Variants in GALNT13 observed in about 807,000 individuals in gnomAD.
GALNT13 encodes polypeptide N-acetylgalactosaminyltransferase 13.
A neutral mutation model predicts 64.2 loss-of-function variants in GALNT13; 28 were observed. The observed-to-expected ratio is 0.44, with a 90% CI of 0.32 to 0.60. GALNT13 has a LOEUF of 0.60. Ranked by LOEUF, GALNT13 falls within the 20% of genes least tolerant of loss-of-function variation. GALNT13 has a pLI of 0.05. For missense variants in GALNT13, 577 were observed against 669.8 expected, an observed-to-expected ratio of 0.86 and a Z score of 1.53; for synonymous variants, 214 against 224.6, an observed-to-expected ratio of 0.95 and a Z score of 0.42.
intron 1 of GALNT13, among the ~76,000 whole-genome samples, chr2:153,877,264 A>G (rs887995617): frequency 6.6e-6 from 1 of 152,122 alleles, no homozygotes; most frequent in African/African-American, 2.4e-5. Context: ...TAAGGTTTTA[A>G]CATGAAGAGG....
the GALNT13 span, among the ~76,000 whole-genome samples, chr2:153,736,623 C>CTCTA: frequency 2.0e-4 from 31 of 152,160 alleles, no homozygotes; most frequent in East Asian, 5.8e-4. Context: ...CTATATCATT[C>CTCTA]TCTATCTATC....
At chr2:154,443,756 C>T (rs1404281801) in intron 12 of GALNT13, among the ~76,000 whole-genome samples, 14 of 152,058 alleles carry the variant, frequency 9.2e-5, no homozygotes, top group South Asian at 6.2e-4. Context: ...AGATACTCCA[C>T]GCTACATTTT....
At chr2:153,357,868 C>T in the GALNT13 span, among the ~76,000 whole-genome samples, 1 of 152,142 alleles carries the variant, frequency 6.6e-6, no homozygotes, top group South Asian at 2.1e-4. Context: ...ACATCTTAGC[C>T]ACAGCACTAA....
At chr2:153,348,590 A>G in the GALNT13 span, among the ~76,000 whole-genome samples, 2 of 152,212 alleles carry the variant, frequency 1.3e-5, no homozygotes, top group Admixed American at 1.3e-4. Context: ...AGGATGGTAT[A>G]GAAAATTGTT....
At chr2:154,154,110 T>C (rs994382183) in intron 4 of GALNT13, among the ~76,000 whole-genome samples, 2 of 152,224 alleles carry the variant, frequency 1.3e-5, no homozygotes, top group African/African-American at 4.8e-5. Context: ...TAATATTTTG[T>C]TTTGTTCCCT....
intron 9 of GALNT13, among the ~76,000 whole-genome samples, chr2:154,331,135 C>T (rs896097969): frequency 5.9e-5 from 9 of 151,782 alleles, no homozygotes; most frequent in African/African-American, 1.7e-4. Flanking sequence ...TATTAAAATG[C>T]TATGCAAAAT....
At chr2:153,921,555 C>T (rs1321860997) in intron 2 of GALNT13, among the ~76,000 whole-genome samples, 1 of 152,032 alleles carries the variant, frequency 6.6e-6, no homozygotes, top group African/African-American at 2.4e-5. Flanking sequence ...GTACACCAGT[C>T]CCCTGTGACA....
intron 9 of GALNT13, among the ~76,000 whole-genome samples, chr2:154,322,019 C>T (rs766102633): frequency 6.6e-6 from 1 of 151,786 alleles, no homozygotes; most frequent in Admixed American, 6.6e-5. Flanking sequence ...ACAAATTTGG[C>T]ATTCATGGAA....
At chr2:153,118,148 C>A in the GALNT13 span, among the ~76,000 whole-genome samples, 50 of 145,416 alleles carry the variant, frequency 3.4e-4, 4 homozygotes, top group East Asian at 9.9e-4. Flanking sequence ...CACACACACC[C>A]CACATAAACC....
the GALNT13 span, among the ~76,000 whole-genome samples, chr2:153,259,304 T>G: frequency 1.5e-5 from 2 of 132,048 alleles, no homozygotes; most frequent in African/African-American, 5.7e-5. Context: ...TATTTTCATT[T>G]TATGTGTCTC....
At chr2:153,083,090 G>A in the GALNT13 span, among the ~76,000 whole-genome samples, 1 of 152,042 alleles carries the variant, frequency 6.6e-6, no homozygotes, top group Admixed American at 6.6e-5. Context: ...ACCTCCCAAA[G>A]TGCTGGGATT....
intron 3 of GALNT13, among the ~76,000 whole-genome samples, chr2:154,019,327 T>G (rs16835663): frequency 0.25 from 38,610 of 152,018 alleles, 6,841 homozygotes; most frequent in East Asian, 0.82. Context: ...CATTAATTCT[T>G]TAGCATATTT....
chr2:153,191,652 T>G, the GALNT13 span, among the ~76,000 whole-genome samples: 1 of 152,056 alleles, frequency 6.6e-6, no homozygotes, highest in African/African-American at 2.4e-5. Context: ...TACTTGTTCT[T>G]ATAACTTCGG....
chr2:154,290,484 G>C (rs994147310), intron 8 of GALNT13, among the ~76,000 whole-genome samples: 2 of 152,214 alleles, frequency 1.3e-5, no homozygotes, highest in African/African-American at 4.8e-5. Context: ...GTACATACAG[G>C]ACATGCCTTC....
At chr2:153,092,666 A>C in the GALNT13 span, among the ~76,000 whole-genome samples, 1 of 152,116 alleles carries the variant, frequency 6.6e-6, no homozygotes, top group Non-Finnish European at 1.5e-5. Context: ...AATGCTACTG[A>C]ATTTTGTATG....
the GALNT13 span, among the ~76,000 whole-genome samples, chr2:153,414,696 C>T: frequency 1.3e-5 from 2 of 152,184 alleles, no homozygotes; most frequent in Admixed American, 1.3e-4. Flanking sequence ...TAAAATCTTA[C>T]AATCTAATCA....
chr2:154,406,606 A>G (rs1699554585), intron 10 of GALNT13, among the ~76,000 whole-genome samples: 1 of 152,126 alleles, frequency 6.6e-6, no homozygotes, highest in Non-Finnish European at 1.5e-5. Context: ...CGTCTTTTCA[A>G]GTGTCTTTAT....
chr2:154,383,937 GA>G (rs1225263107), intron 9 of GALNT13, among the ~76,000 whole-genome samples: 14 of 151,750 alleles, frequency 9.2e-5, no homozygotes, highest in Admixed American at 6.6e-5. Flanking sequence ...GAATAAGACA[GA>G]AGAGAGGGCA....
At chr2:153,360,990 C>G in the GALNT13 span, among the ~76,000 whole-genome samples, 1 of 152,268 alleles carries the variant, frequency 6.6e-6, no homozygotes. Flanking sequence ...ATTGGTGCCC[C>G]TCAAGGTCAG....
Sources: gnomAD v4.1 joint callset for allele counts (sites outside exome capture counted in the v4.1 genomes callset) on GRCh38, gnomAD v4.1.1 for gene constraint, MANE v1.5 for transcripts, NCBI Gene and HGNC (gene_info 2026-07-23, HGNC 2026-07-21) for gene names.